SGTB: variants seen among roughly 807,000 people sequenced by gnomAD.
SGTB encodes small glutamine-rich tetratricopeptide repeat-containing protein beta.
A neutral mutation model predicts 43.9 loss-of-function variants in SGTB; 19 were observed. That is an observed-to-expected ratio of 0.43 (90% CI 0.30 to 0.63). The LOEUF (loss-of-function observed/expected upper bound fraction) is 0.63. Among genes scored for constraint, SGTB ranks in the 30% least tolerant of loss-of-function variants. The pLI is 0.12. For missense variants in SGTB, 304 were observed against 358.9 expected, an observed-to-expected ratio of 0.85 and a Z score of 1.24; for synonymous variants, 116 against 117.3, an observed-to-expected ratio of 0.99 and a Z score of 0.07.
intron 5 of SGTB, among the ~76,000 whole-genome samples, chr5:65,697,784 T>A (rs968010827): frequency 6.6e-6 from 1 of 151,952 alleles, no homozygotes; most frequent in Non-Finnish European, 1.5e-5. Flanking sequence ...GGACAACATT[T>A]AAAAAAAATT....
chr5:65,710,607 T>C (rs1318380600), intron 3 of SGTB, among the ~76,000 whole-genome samples: 1 of 152,202 alleles, frequency 6.6e-6, no homozygotes, highest in African/African-American at 2.4e-5. Flanking sequence ...ACAACAATCG[T>C]CATGCTATTT....
intron 4 of SGTB, among the ~76,000 whole-genome samples, chr5:65,704,979 ACCATGGCTAG>A: frequency 6.6e-6 from 1 of 152,278 alleles, no homozygotes; most frequent in Non-Finnish European, 1.5e-5. Flanking sequence ...AATTTCAGAT[ACCATGGCTAG>A]CCTGCAAAGT....
chr5:65,672,127 G>A, intron 9 of SGTB, 117 bp downstream of exon 9: 1 of 1,571,574 alleles, frequency 6.4e-7, no homozygotes, highest in Non-Finnish European at 8.7e-7. Flanking sequence ...GTGGCTTTAA[G>A]CTCCAACTGA....
intron 8 of SGTB, among the ~76,000 whole-genome samples, chr5:65,673,019 A>C (rs1433894435): frequency 6.6e-6 from 1 of 152,196 alleles, no homozygotes; most frequent in African/African-American, 2.4e-5. Flanking sequence ...AGGATGTATG[A>C]GCTATAAACA....
At position 65,707,081 on chromosome 5, in the gene SGTB, T is replaced by G. The variant is rs553521574; in HGVS notation, c.274+1408A>C. ...TTCAAAACCAGCCTGGCCAACATGG[T>G]GAAACCTCATCTCTACTAAAAATAC... On this transcript the variant is annotated intron_variant, in intron 4 of 10. Transcript: ENST00000381007. Among the ~76,000 whole-genome samples the G allele has an allele frequency of 1.1e-4, 16 of 151,168 alleles. No homozygotes were observed. The South Asian group carries it at 2.3e-3, about 22-fold the overall frequency.
chr5:65,689,725 G>T (rs1757569319), intron 5 of SGTB, among the ~76,000 whole-genome samples: 1 of 151,996 alleles, frequency 6.6e-6, no homozygotes, highest in African/African-American at 2.4e-5. Context: ...ATAGCACTTA[G>T]ATTCTAGTGG....
chr5:65,718,039 A>AAT (rs1407411908), intron 2 of SGTB, among the ~76,000 whole-genome samples: 1 of 152,064 alleles, frequency 6.6e-6, no homozygotes, highest in Non-Finnish European at 1.5e-5. Context: ...TGGGTCAAAG[A>AAT]ATAGCTGGAG....
At chr5:65,720,394 T>C (rs961277868) in intron 2 of SGTB, among the ~76,000 whole-genome samples, 3 of 152,168 alleles carry the variant, frequency 2.0e-5, no homozygotes, top group African/African-American at 7.2e-5. Context: ...GGTTTTATTT[T>C]CTCACTTGTT....
At chr5:65,700,513 T>TA (rs1297344010) in intron 5 of SGTB, among the ~76,000 whole-genome samples, 6 of 150,190 alleles carry the variant, frequency 4.0e-5, no homozygotes, top group South Asian at 2.1e-4. Context: ...CCATCTCTAC[T>TA]AAAAAAAATA....
chr5:65,672,219 T>C, intron 9 of SGTB, 25 bp downstream of exon 9: 1 of 1,613,734 alleles, frequency 6.2e-7, no homozygotes, highest in Non-Finnish European at 8.5e-7. Flanking sequence ...TGGGGAAGTG[T>C]AATAAGCTCT....
At chr5:65,699,584 A>T (rs889154234) in intron 5 of SGTB, among the ~76,000 whole-genome samples, 1 of 152,242 alleles carries the variant, frequency 6.6e-6, no homozygotes, top group Non-Finnish European at 1.5e-5. Flanking sequence ...CCCTGCTCTT[A>T]ACCACTTCTC....
chr5:65,705,800 G>A (rs1448602642), intron 4 of SGTB, among the ~76,000 whole-genome samples: 1 of 151,602 alleles, frequency 6.6e-6, no homozygotes, highest in Admixed American at 6.6e-5. Context: ...GGGCAAGGCA[G>A]GAGTATGGCT....
At chr5:65,711,048 C>T (rs1189955928) in intron 3 of SGTB, among the ~76,000 whole-genome samples, 1 of 151,508 alleles carries the variant, frequency 6.6e-6, no homozygotes, top group African/African-American at 2.4e-5. Context: ...GCCTGGAGTC[C>T]CAGCTACTCG....
Position 65,666,931 on chromosome 5 carries a change from G to C in SGTB, c.*3315C>G, listed in dbSNP as rs920918034. The C allele has an allele frequency of 6.6e-6, 1 of 152,140 alleles. No homozygotes were observed. Among genetic ancestry groups the C allele is most frequent in the Non-Finnish European group, 1.5e-5 (1 of 67,994 alleles). The allele number at this position is 152,140 out of a possible 1,614,324, so 9.4% of individuals were successfully genotyped here. The stretch of plus-strand genomic sequence containing the variant: ...GGGTAATACTGGTCAAATAAAATGA[G>C]TTGGGAAGTATTTCCTCCTCTTCTG... On this transcript the variant is annotated 3_prime_UTR_variant, in exon 11 of 11. Transcript: ENST00000381007.
intron 3 of SGTB, among the ~76,000 whole-genome samples, chr5:65,712,411 T>A (rs1371917256): frequency 1.3e-5 from 2 of 152,168 alleles, no homozygotes; most frequent in Non-Finnish European, 2.9e-5. Flanking sequence ...GTATAAATAG[T>A]CCCCAGGAGC....
intron 3 of SGTB, among the ~76,000 whole-genome samples, chr5:65,709,461 C>A (rs2150721457): frequency 6.6e-6 from 1 of 150,924 alleles, no homozygotes; most frequent in Non-Finnish European, 1.5e-5. Flanking sequence ...TCACTGCAAT[C>A]TGCGCCTCCC....
intron 5 of SGTB, among the ~76,000 whole-genome samples, chr5:65,695,936 G>A (rs888019807): frequency 6.6e-6 from 1 of 152,194 alleles, no homozygotes; most frequent in South Asian, 2.1e-4. Context: ...CCAAGGTCAT[G>A]TAGCTAGTAA....
intron 3 of SGTB, among the ~76,000 whole-genome samples, chr5:65,710,864 C>A (rs559571208): frequency 6.6e-6 from 1 of 151,976 alleles, no homozygotes; most frequent in Admixed American, 6.6e-5. Context: ...GGTGTGGTGG[C>A]GGGTGCCTGT....
chr5:65,710,449 C>T (rs146410374), intron 3 of SGTB, among the ~76,000 whole-genome samples: 164 of 152,104 alleles, frequency 1.1e-3, no homozygotes, highest in African/African-American at 3.7e-3. Context: ...CATGTGGGGG[C>T]AAGAGCTACC....
Sources: gnomAD v4.1 joint callset for allele counts (sites outside exome capture counted in the v4.1 genomes callset) on GRCh38, gnomAD v4.1.1 for gene constraint, MANE v1.5 for transcripts, NCBI Gene and HGNC (gene_info 2026-07-23, HGNC 2026-07-21) for gene names.